ARHGEF11: variants seen among roughly 807,000 people sequenced by gnomAD.
The protein encoded by ARHGEF11 is Rho guanine exchange factor (GEF) 11.
A neutral mutation model predicts 193.7 loss-of-function variants in ARHGEF11; 55 were observed. The ratio of observed to expected loss-of-function variants is 0.28; its 90% CI spans 0.23 to 0.36. The LOEUF (loss-of-function observed/expected upper bound fraction) is 0.36, where lower values mean the gene tolerates loss of function less well. Ranked by LOEUF, ARHGEF11 falls within the 10% of genes least tolerant of loss-of-function variation. The pLI is 1.00. For synonymous variants in ARHGEF11, 693 were observed against 768.0 expected (o/e 0.90, Z 1.62); for missense variants, 1,723 against 2,005.6 (o/e 0.86, Z 2.69).
intron 1 of ARHGEF11, among the ~76,000 whole-genome samples, chr1:157,016,608 T>C (rs1669262935): frequency 6.6e-6 from 1 of 152,218 alleles, no homozygotes; most frequent in South Asian, 2.1e-4. Flanking sequence ...GTATTGTGAC[T>C]GTATTTTTAA....
At chr1:156,961,614 T>C (rs1660867149) in intron 14 of ARHGEF11, 63 bp downstream of exon 14, 2 of 1,464,868 alleles carry the variant, frequency 1.4e-6, no homozygotes, top group African/African-American at 2.8e-5. Context: ...TGCTTAATTT[T>C]CCCTGCCTCT....
At chr1:156,938,345 G>T in intron 38 of ARHGEF11, 73 bp downstream of exon 38, 3 of 1,413,930 alleles carry the variant, frequency 2.1e-6, no homozygotes, top group Non-Finnish European at 3.0e-6. Flanking sequence ...CATGGGCAGG[G>T]GTCCGACTCT....
intron 1 of ARHGEF11, among the ~76,000 whole-genome samples, chr1:157,007,399 T>C (rs1381834135): frequency 6.6e-6 from 1 of 152,120 alleles, no homozygotes; most frequent in African/African-American, 2.4e-5. Flanking sequence ...TAGGGGTTGG[T>C]ACAGATTCTA....
chr1:157,036,308 CT>C (rs111833738), intron 1 of ARHGEF11, among the ~76,000 whole-genome samples: 3,217 of 150,458 alleles, frequency 0.021, 116 homozygotes, highest in African/African-American at 0.073. Context: ...TGACTACTCA[CT>C]TTTTTTTGTT....
intron 4 of ARHGEF11, 101 bp from the exon 5 acceptor site, chr1:156,979,387 A>G (rs1261196253): frequency 1.8e-5 from 12 of 669,022 alleles, no homozygotes; most frequent in Admixed American, 2.9e-5. Flanking sequence ...TTTTTTTGAG[A>G]TGGAGTCTTG....
chr1:156,983,346 C>T (rs1229788181), intron 3 of ARHGEF11, among the ~76,000 whole-genome samples: 2 of 152,166 alleles, frequency 1.3e-5, no homozygotes, highest in Non-Finnish European at 2.9e-5. Flanking sequence ...CTCAGCCTCC[C>T]GAGTAGCTGG....
At chr1:157,008,682 G>A (rs1334701036) in intron 1 of ARHGEF11, among the ~76,000 whole-genome samples, 2 of 152,150 alleles carry the variant, frequency 1.3e-5, no homozygotes, top group East Asian at 1.9e-4. Flanking sequence ...CCAGGAGGAC[G>A]GTGAACTTTG....
chr1:157,031,034 C>T (rs1671243015), intron 1 of ARHGEF11, among the ~76,000 whole-genome samples: 1 of 151,886 alleles, frequency 6.6e-6, no homozygotes, highest in Non-Finnish European at 1.5e-5. Flanking sequence ...GCCTCTCCCA[C>T]AGCAGTTATG....
intron 1 of ARHGEF11, among the ~76,000 whole-genome samples, chr1:157,003,889 G>C (rs1667498749): frequency 6.6e-6 from 1 of 152,172 alleles, no homozygotes; most frequent in Non-Finnish European, 1.5e-5. Context: ...TTAAATGGTA[G>C]AATTCATTAA....
intron 7 of ARHGEF11, among the ~76,000 whole-genome samples, chr1:156,974,058 T>A (rs1015867984): frequency 6.6e-6 from 1 of 152,042 alleles, no homozygotes; most frequent in Non-Finnish European, 1.5e-5. Context: ...ACTCACTGCA[T>A]TTTTTCTTTT....
At chr1:157,036,140 A>AATATATGAATACATATATGAATAT in intron 1 of ARHGEF11, among the ~76,000 whole-genome samples, 1 of 141,696 alleles carries the variant, frequency 7.1e-6, no homozygotes, top group South Asian at 2.2e-4. Flanking sequence ...TATATATATG[A>AATATATGAATACATATATGAATAT]ATATATGAAT....
chr1:157,045,875 C>A (rs1317269009), upstream of ARHGEF11, among the ~76,000 whole-genome samples: 1 of 151,064 alleles, frequency 6.6e-6, no homozygotes, highest in East Asian at 1.9e-4. Context: ...TTCCCTCGCT[C>A]CCGCGGGGCG....
rs374771884 is a variant in ARHGEF11, at chr1:156,960,407, A to G, written c.1282+11T>C. On this transcript the variant is annotated intron_variant, in intron 15 of 40. Coordinates refer to ENST00000368194, the MANE Select transcript of ARHGEF11 (RefSeq NM_198236.3). ...CCAAGAAGAGACTTACCGACCAATG[A>G]GCCAACTTACCAATTTCAGCCTGTA... 402 of 1,614,060 alleles carry G rather than the reference A, an allele frequency of 2.5e-4. 2 individuals carry two copies. The African/African-American group carries it at 4.5e-3, about 18-fold the overall frequency.
At chr1:156,952,427 A>G (rs1659250921) in intron 21 of ARHGEF11, among the ~76,000 whole-genome samples, 2 of 152,194 alleles carry the variant, frequency 1.3e-5, no homozygotes. Flanking sequence ...GCAGGAGGGA[A>G]GAGAGATAAG....
At chr1:156,962,778 CTGAGGCAGGAGAACAGCG>C (rs1310131953) in intron 13 of ARHGEF11, among the ~76,000 whole-genome samples, 1 of 145,010 alleles carries the variant, frequency 6.9e-6, no homozygotes, top group Non-Finnish European at 1.5e-5. Context: ...ACTCGGGGGG[CTGAGGCAGGAGAACAGCG>C]TGAACCTGGG....
At position 156,971,795 on chromosome 1, in the gene ARHGEF11, G is replaced by C; in HGVS notation, c.604C>G (p.Arg202Gly). 1 of 1,613,580 alleles carries C rather than the reference G, an allele frequency of 6.2e-7. No individual in the cohort carries two copies. The highest frequency in any genetic ancestry group is 8.5e-7 in the Non-Finnish European group (1 of 1,179,936). ...ELQRICEVYSRNPASLLEEQI... is the reference protein window; with the variant it reads ...ELQRICEVYSGNPASLLEEQI... Reference sequence around the variant, plus strand: ...TCTTCCAGTAGGCTGGCGGGGTTCCGGCTATAGACCTCACAGATACGCTAG... The same window carrying C: ...TCTTCCAGTAGGCTGGCGGGGTTCCCGCTATAGACCTCACAGATACGCTAG... The change falls in exon 8 of 41, where the codon CGG becomes GGG. Residue 202 changes from arginine to glycine, a missense_variant. Physicochemically the swap from Arg to Gly is moderately radical, Grantham distance 125. This residue lies in a region of ARHGEF11 where 646 missense variants were observed against 710.7 expected (regional missense o/e 0.91). Coordinates refer to ENST00000368194, the MANE Select transcript of ARHGEF11 (RefSeq NM_198236.3).
At chr1:156,989,795 T>C (rs1665458502) in intron 1 of ARHGEF11, among the ~76,000 whole-genome samples, 1 of 152,234 alleles carries the variant, frequency 6.6e-6, no homozygotes, top group African/African-American at 2.4e-5. Context: ...ATTGAAGAAG[T>C]AGCATGGTGA....
upstream of ARHGEF11, among the ~76,000 whole-genome samples, chr1:157,045,865 T>A (rs1673269821): frequency 6.7e-6 from 1 of 150,354 alleles, no homozygotes; most frequent in African/African-American, 2.4e-5. Context: ...GCCTTTCTCC[T>A]TCCCTCGCTC....
chr1:156,944,417 G>A lies in ARHGEF11; in HGVS notation c.3008C>T (p.Thr1003Ile). The change falls in exon 31 of 41, where the codon ACC (threonine) becomes ATC (isoleucine). Residue 1003 changes from threonine (T) to isoleucine (I), a missense_variant. Thr to Ile is a moderately conservative substitution (Grantham distance 89). Coordinates refer to ENST00000368194, the MANE Select transcript of ARHGEF11 (RefSeq NM_198236.3). ...GGGTCCCTCATGGATCATTTTTCTG[G>A]TTGTAAGATCCAGGCTCTGTTAAGG... ...AAEFKSLDLT[T>I]RKMIHEGPLT... 3.7e-6 allele frequency: 6 copies of A among 1,613,528 alleles called. No homozygotes were observed. The highest frequency in any genetic ancestry group is 5.1e-6 in the Non-Finnish European group (6 of 1,179,954).
Sources: gnomAD v4.1 joint callset for allele counts (sites outside exome capture counted in the v4.1 genomes callset) on GRCh38, gnomAD v4.1.1 for gene constraint, gnomAD v4.1.1 regional missense constraint, MANE v1.5 for transcripts, NCBI Gene and HGNC (gene_info 2026-07-23, HGNC 2026-07-21) for gene names.